Variants in RAD51B observed in about 807,000 individuals in gnomAD.
RAD51B encodes the protein DNA repair protein RAD51 homolog 2.
A neutral mutation model predicts 42.2 loss-of-function variants in RAD51B; 38 were observed. That is an observed-to-expected ratio of 0.90 (90% confidence interval 0.70 to 1.18). RAD51B has a LOEUF of 1.18. RAD51B is among the 50% of genes most tolerant of loss of function. RAD51B has a pLI of 0.00. For missense variants in RAD51B, 373 were observed against 400.7 expected (o/e 0.93, Z 0.59); for synonymous variants, 154 against 145.2 (o/e 1.06, Z -0.43).
At chr14:67,944,181 C>T (rs559968584) in intron 7 of RAD51B, among the ~76,000 whole-genome samples, 27 of 147,178 alleles carry the variant, frequency 1.8e-4, no homozygotes, top group Non-Finnish European at 1.8e-4. Context: ...TCTTAGAGTA[C>T]GTGCCTCTAA....
rs553596075 is a variant in RAD51B at position 68,157,918 on chromosome 14, A to G, written c.757-133966A>G. Among the ~76,000 whole-genome samples, 4 of 152,276 alleles carry G rather than the reference A, an allele frequency of 2.6e-5. No individual in the cohort carries two copies. In the East Asian group the frequency reaches 7.7e-4, roughly 29 times the overall value. On this transcript the variant is annotated intron_variant, in intron 7 of 10. Coordinates refer to ENST00000471583, the MANE Select transcript of RAD51B (RefSeq NM_133510.4). ...CCCTTCTAATATAAATTTTTAAACTATTCATCTGAGTGTTTAGGAAGCTGT... is the reference window on the plus strand; with the variant it reads ...CCCTTCTAATATAAATTTTTAAACTGTTCATCTGAGTGTTTAGGAAGCTGT...
At chr14:68,519,636 A>T (rs1209458526) in intron 10 of RAD51B, among the ~76,000 whole-genome samples, 1 of 152,186 alleles carries the variant, frequency 6.6e-6, no homozygotes, top group Non-Finnish European at 1.5e-5. Flanking sequence ...CCAACTTGAG[A>T]CTTTGACCCA....
intron 7 of RAD51B, among the ~76,000 whole-genome samples, chr14:68,108,660 A>G (rs1459557075): frequency 2.0e-5 from 3 of 151,938 alleles, no homozygotes; most frequent in Non-Finnish European, 4.4e-5. Flanking sequence ...GTTTCTTTTC[A>G]GAGTAATGAA....
chr14:68,107,082 C>G (rs886668852), intron 7 of RAD51B, among the ~76,000 whole-genome samples: 1 of 151,794 alleles, frequency 6.6e-6, no homozygotes, highest in Non-Finnish European at 1.5e-5. Flanking sequence ...AGTATTATTT[C>G]CCTCTTCATT....
At chr14:68,275,527 C>T (rs2081203303) in intron 7 of RAD51B, among the ~76,000 whole-genome samples, 1 of 151,938 alleles carries the variant, frequency 6.6e-6, no homozygotes, top group African/African-American at 2.4e-5. Flanking sequence ...ATTTTGAAGT[C>T]CAGTGGGGTC....
chr14:68,145,571 ATAACT>A (rs2078231604), intron 7 of RAD51B, among the ~76,000 whole-genome samples: 2 of 152,254 alleles, frequency 1.3e-5, no homozygotes, highest in African/African-American at 4.8e-5. Flanking sequence ...TGTGTAAATA[ATAACT>A]TAAAATAGGT....
At chr14:68,061,311 C>T (rs112764045) in intron 7 of RAD51B, among the ~76,000 whole-genome samples, 25,462 of 151,986 alleles carry the variant, frequency 0.17, 2,310 homozygotes, top group Middle Eastern at 0.34. Context: ...TCAAATGATC[C>T]ACCCACCTTG....
chr14:68,126,011 A>C (rs1720051438), intron 7 of RAD51B, among the ~76,000 whole-genome samples: 1 of 152,206 alleles, frequency 6.6e-6, no homozygotes, highest in South Asian at 2.1e-4. Context: ...GATGACTATC[A>C]ACACTTATGT....
At chr14:68,314,879 A>G (rs564935935) in intron 8 of RAD51B, among the ~76,000 whole-genome samples, 4 of 152,272 alleles carry the variant, frequency 2.6e-5, no homozygotes, top group African/African-American at 9.6e-5. Context: ...GCCAGAACCC[A>G]GTTGGTTTTC....
chr14:68,495,831 G>C (rs1017885948), intron 10 of RAD51B, among the ~76,000 whole-genome samples: 8 of 152,254 alleles, frequency 5.3e-5, no homozygotes, highest in Middle Eastern at 6.8e-3. Context: ...GATATTAAGG[G>C]CTGCCCCTGT....
chr14:68,339,104 C>G, intron 8 of RAD51B: 3 of 690,910 alleles, frequency 4.3e-6, no homozygotes, highest in Non-Finnish European at 5.3e-6. Context: ...AGGTGGTGAC[C>G]ATGTTAACTC....
intron 7 of RAD51B, among the ~76,000 whole-genome samples, chr14:68,255,331 A>T (rs568532970): frequency 6.6e-6 from 1 of 152,360 alleles, no homozygotes; most frequent in Non-Finnish European, 1.5e-5. Flanking sequence ...AAAGATAAAC[A>T]TAAGGTAATT....
intron 7 of RAD51B, among the ~76,000 whole-genome samples, chr14:68,005,061 T>G (rs1260759777): frequency 7.2e-6 from 1 of 138,474 alleles, no homozygotes; most frequent in Non-Finnish European, 1.6e-5. Flanking sequence ...TTTTTTTTTT[T>G]TTTTTTTTTT....
At chr14:68,378,856 T>G (rs1019324675) in intron 8 of RAD51B, among the ~76,000 whole-genome samples, 4 of 152,208 alleles carry the variant, frequency 2.6e-5, no homozygotes, top group African/African-American at 9.6e-5. Flanking sequence ...CTCATATACA[T>G]TATCTCTTGA....
At chr14:68,377,827 G>A (rs2083401717) in intron 8 of RAD51B, among the ~76,000 whole-genome samples, 1 of 152,244 alleles carries the variant, frequency 6.6e-6, no homozygotes, top group South Asian at 2.1e-4. Context: ...TCTGTAAAGG[G>A]AAGGAGCGAG....
intron 10 of RAD51B, among the ~76,000 whole-genome samples, chr14:68,534,026 C>T (rs1466977280): frequency 6.6e-6 from 1 of 151,966 alleles, no homozygotes; most frequent in Non-Finnish European, 1.5e-5. Flanking sequence ...ATAAATAGAA[C>T]AAAACAAAGC....
At chr14:68,422,026 A>G in intron 9 of RAD51B, 4 of 1,535,752 alleles carry the variant, frequency 2.6e-6, no homozygotes, top group Non-Finnish European at 2.7e-6. Context: ...TAAACCCTGG[A>G]ATAATTCTGT....
intron 10 of RAD51B, chr14:68,497,551 TG>T: frequency 9.6e-7 from 1 of 1,042,536 alleles, no homozygotes; most frequent in Non-Finnish European, 1.2e-6. Context: ...TTATATAAGA[TG>T]AAATTAACCA....
intron 8 of RAD51B, among the ~76,000 whole-genome samples, chr14:68,364,954 G>T (rs1288009781): frequency 6.6e-6 from 1 of 152,200 alleles, no homozygotes; most frequent in Non-Finnish European, 1.5e-5. Flanking sequence ...ATTGGCAGGT[G>T]TTAGGGGCAG....
Sources: allele counts gnomAD v4.1 joint callset (sites outside exome capture counted in the v4.1 genomes callset), GRCh38; gene constraint gnomAD v4.1.1; transcripts MANE v1.5; gene names NCBI Gene and HGNC (gene_info 2026-07-23, HGNC 2026-07-21).